PHF21B: variants seen among roughly 807,000 people sequenced by gnomAD.
The protein encoded by PHF21B is PHD finger protein 21B, also known as PHD finger protein 4.
A neutral mutation model predicts 62.2 loss-of-function variants in PHF21B; 22 were observed. The ratio of observed to expected loss-of-function variants is 0.35; its 90% CI spans 0.25 to 0.51. PHF21B has a LOEUF of 0.51. PHF21B is among the 20% of genes least tolerant of loss of function. The pLI, the probability that PHF21B is intolerant of heterozygous loss-of-function variation, is 0.97. For synonymous variants in PHF21B, 341 were observed against 314.7 expected (o/e 1.08, Z -0.88); for missense variants, 701 against 707.9 (o/e 0.99, Z 0.11).
intron 2 of PHF21B, among the ~76,000 whole-genome samples, chr22:44,980,290 G>A (rs1321352056): frequency 6.6e-6 from 1 of 151,702 alleles, no homozygotes; most frequent in Non-Finnish European, 1.5e-5. Context: ...ACAGGTTCAG[G>A]GTCTCAGGTG....
chr22:44,947,206 C>A (rs895167717), intron 2 of PHF21B, among the ~76,000 whole-genome samples: 2 of 152,166 alleles, frequency 1.3e-5, no homozygotes, highest in Non-Finnish European at 2.9e-5. Flanking sequence ...ACCCTTGGCC[C>A]TGCTATTCTC....
rs770834144 is a variant in PHF21B, at chr22:44,888,118, C to T, written c.1042G>A (p.Glu348Lys). 3.5e-5 allele frequency: 53 copies of T among 1,524,364 alleles called. No homozygotes were observed. The highest frequency in any genetic ancestry group is 4.3e-5 in the Non-Finnish European group (49 of 1,133,428). The allele number at this position is 1,524,364 out of a possible 1,614,324, so 94.4% of individuals were successfully genotyped here. A position where few individuals can be genotyped will look rare whatever the true frequency, so the allele number is the denominator to read the frequency against. ...RANEDPCWKN[E>K]ITHDEHCAAC... is the part of the protein sequence containing the mutation. Reference sequence around the variant, plus strand: ...GCACAGTGCTCATCGTGGGTGATCTCGTTCTGGAAGAGAAGGGAGGGCAGG... The same window carrying T: ...GCACAGTGCTCATCGTGGGTGATCTTGTTCTGGAAGAGAAGGGAGGGCAGG... Residue 348 changes from glutamate (E) to lysine (K), a missense_variant, in exon 10 of 13, where the codon GAG becomes AAG. By Grantham distance (56) the Glu-to-Lys change is moderately conservative. Transcript: ENST00000313237.
At chr22:44,969,529 G>C (rs1184151182) in intron 2 of PHF21B, among the ~76,000 whole-genome samples, 3 of 152,172 alleles carry the variant, frequency 2.0e-5, no homozygotes, top group Non-Finnish European at 2.9e-5. Flanking sequence ...AGCCAGGCGT[G>C]GTGGTGGGCA....
intron 2 of PHF21B, among the ~76,000 whole-genome samples, chr22:44,925,829 C>T (rs952013426): frequency 2.6e-5 from 4 of 152,202 alleles, no homozygotes; most frequent in African/African-American, 9.6e-5. Flanking sequence ...CCAACTTCCA[C>T]AAAGCAAGGT....
At chr22:44,912,276 C>T (rs2071356690) in intron 5 of PHF21B, among the ~76,000 whole-genome samples, 1 of 152,092 alleles carries the variant, frequency 6.6e-6, no homozygotes, top group Non-Finnish European at 1.5e-5. Context: ...TGAGTTAAGA[C>T]TTTGAGGGAC....
chr22:44,974,307 G>T (rs887020381), intron 2 of PHF21B, among the ~76,000 whole-genome samples: 1 of 151,900 alleles, frequency 6.6e-6, no homozygotes, highest in Non-Finnish European at 1.5e-5. Context: ...CCAGCTACTC[G>T]GGAGGCTGAG....
chr22:44,882,238 CT>C lies in PHF21B; in HGVS notation c.*847del, dbSNP rs2070752617. 6.6e-6 allele frequency: 1 copy of C among 152,612 alleles called. No individual in the cohort carries two copies. Among genetic ancestry groups the C allele is most frequent in the South Asian group, 2.1e-4 (1 of 4,828 alleles). The allele number at this position is 152,612 out of a possible 1,614,324, so 9.5% of individuals were successfully genotyped here. ...AATGATTCAACCCCAAGGAGAAAAC[CT>C]GCCAAATGCTGCCCCCCACAACAGG... On this transcript the variant is annotated 3_prime_UTR_variant, in exon 13 of 13. Transcript: ENST00000313237.
At chr22:44,985,850 C>T (rs1487191142) in intron 2 of PHF21B, among the ~76,000 whole-genome samples, 1 of 152,098 alleles carries the variant, frequency 6.6e-6, no homozygotes, top group African/African-American at 2.4e-5. Flanking sequence ...CCACTACCAT[C>T]ACAATGATCA....
chr22:44,978,768 C>A (rs1183969956), intron 2 of PHF21B, among the ~76,000 whole-genome samples: 1 of 152,200 alleles, frequency 6.6e-6, no homozygotes, highest in Non-Finnish European at 1.5e-5. Context: ...CTCCTGGCTC[C>A]CGTAGGAGCT....
intron 2 of PHF21B, among the ~76,000 whole-genome samples, chr22:44,979,118 T>C (rs1237108779): frequency 2.0e-5 from 3 of 152,198 alleles, no homozygotes; most frequent in Non-Finnish European, 4.4e-5. Flanking sequence ...TGCAGCCCCC[T>C]AAGGGTAGAC....
intron 2 of PHF21B, among the ~76,000 whole-genome samples, chr22:44,935,902 C>T (rs577285645): frequency 1.3e-5 from 2 of 152,296 alleles, no homozygotes; most frequent in Non-Finnish European, 2.9e-5. Flanking sequence ...CAACCTCGCA[C>T]GAACCCACTC....
intron 2 of PHF21B, among the ~76,000 whole-genome samples, chr22:44,923,635 AAT>A (rs2071577129): frequency 1.3e-5 from 2 of 152,306 alleles, no homozygotes; most frequent in Non-Finnish European, 2.9e-5. Context: ...TTGTATCCAT[AAT>A]ATATGACAGA....
At chr22:44,919,561 G>T (rs4823419) in intron 3 of PHF21B, among the ~76,000 whole-genome samples, 1 of 151,894 alleles carries the variant, frequency 6.6e-6, no homozygotes, top group Admixed American at 6.5e-5. Context: ...AGCTCAGGGC[G>T]GCCACCTCTC....
chr22:44,933,540 G>A (rs1256352534), intron 2 of PHF21B: 1 of 985,338 alleles, frequency 1.0e-6, no homozygotes, highest in East Asian at 1.1e-4. Flanking sequence ...GACCAGAAGT[G>A]AGCATCAGAA....
chr22:44,948,798 C>T (rs943407736), intron 2 of PHF21B, among the ~76,000 whole-genome samples: 2 of 152,146 alleles, frequency 1.3e-5, no homozygotes, highest in African/African-American at 4.8e-5. Context: ...CAGGATATTC[C>T]ACTTTGACTT....
chr22:44,989,564 C>T (rs1157492190), intron 2 of PHF21B: 1 of 149,698 alleles, frequency 6.7e-6, no homozygotes, highest in Non-Finnish European at 1.5e-5. Flanking sequence ...AAACACATCA[C>T]TATAATAATA....
rs534769883 is a variant in PHF21B, at chr22:44,934,463, C to G, written c.121-13973G>C. 1.6e-3 allele frequency among the ~76,000 whole-genome samples: 245 copies of G among 152,242 alleles called. 1 individual carries two copies. The highest frequency in any genetic ancestry group is 5.6e-3 in the African/African-American group (231 of 41,546). On this transcript the variant is annotated intron_variant, in intron 2 of 12. Coordinates refer to ENST00000313237, the MANE Select transcript of PHF21B (RefSeq NM_138415.5). ...TTTTCAGGCCAAGAAGGGACAACAT[C>G]GTCCCAGGCAGAGAGGGACAGTCTA...
intron 2 of PHF21B, among the ~76,000 whole-genome samples, chr22:44,973,938 T>C (rs951276748): frequency 1.6e-4 from 25 of 152,088 alleles, no homozygotes; most frequent in African/African-American, 5.8e-4. Context: ...GTAAGGACAA[T>C]GTAGGCAGAA....
At chr22:44,934,938 G>A (rs1362782197) in intron 2 of PHF21B, among the ~76,000 whole-genome samples, 1 of 152,214 alleles carries the variant, frequency 6.6e-6, no homozygotes, top group African/African-American at 2.4e-5. Flanking sequence ...GACCTTCCAG[G>A]AGCGTGGGAA....
Sources: allele counts gnomAD v4.1 joint callset (sites outside exome capture counted in the v4.1 genomes callset), GRCh38; gene constraint gnomAD v4.1.1; transcripts MANE v1.5; gene names NCBI Gene and HGNC (gene_info 2026-07-23, HGNC 2026-07-21).